ADAMTS20: variants seen among roughly 807,000 people sequenced by gnomAD.
ADAMTS20 encodes ADAM metallopeptidase with thrombospondin type 1 motif 20.
In ADAMTS20, 225 loss-of-function variants were observed where a neutral mutation model predicts 260.1. The ratio of observed to expected loss-of-function variants is 0.87; its 90% CI spans 0.78 to 0.97. ADAMTS20 has a LOEUF of 0.97. Ranked by LOEUF, ADAMTS20 falls within the 50% of genes least tolerant of loss-of-function variation. The probability of loss-of-function intolerance (pLI) is 0.00; values close to 1 mark genes in which losing one functional copy is unlikely to be tolerated. For missense variants in ADAMTS20, 2,400 were observed against 2,337.7 expected (o/e 1.03, Z -0.55); for synonymous variants, 802 against 769.5 (o/e 1.04, Z -0.70).
chr12:43,361,296 T>C (rs1939861839), intron 37 of ADAMTS20, among the ~76,000 whole-genome samples: 2 of 152,238 alleles, frequency 1.3e-5, no homozygotes, highest in African/African-American at 2.4e-5. Context: ...TAACACAGAA[T>C]CTGGTTTATA....
Position 43,354,103 on chromosome 12 carries a change from T to C in ADAMTS20, c.*106A>G. On this transcript the variant is annotated 3_prime_UTR_variant, in exon 39 of 39. Coordinates refer to ENST00000389420, the MANE Select transcript of ADAMTS20 (RefSeq NM_025003.5). ...CCCTGAAAAAAAGGCAGAGACATAT[T>C]GGACATGGAAATCTCGGGAAGGGAG... is the stretch of plus-strand genomic sequence containing the variant. 4 of 810,940 alleles carry C rather than the reference T, an allele frequency of 4.9e-6. No individual in the cohort carries two copies. The highest frequency in any genetic ancestry group is 7.6e-6 in the Non-Finnish European group (4 of 528,688). The allele number at this position is 810,940 out of a possible 1,614,324, so 50.2% of individuals were successfully genotyped here.
chr12:43,465,392 A>C lies in ADAMTS20; in HGVS notation c.1368-660T>G, dbSNP rs1439919913. On this transcript the variant is annotated intron_variant, in intron 9 of 38. Coordinates refer to ENST00000389420, the MANE Select transcript of ADAMTS20 (RefSeq NM_025003.5). ...TAAATTGAGAGTGGTAATATCTTTTAACATGCTATCAGAATACATGATATG... is the reference window on the plus strand; with the variant it reads ...TAAATTGAGAGTGGTAATATCTTTTCACATGCTATCAGAATACATGATATG... Among the ~76,000 whole-genome samples the C allele has an allele frequency of 2.6e-5, 4 of 152,046 alleles. No individual in the cohort carries two copies. The East Asian group carries it at 7.7e-4, about 29-fold the overall frequency.
At position 43,551,965 on chromosome 12, in the gene ADAMTS20, G is replaced by C; in HGVS notation, c.-44C>G. ...CCGATCGGGGAGGCCCACCAGAGCCGCCGGCAGCCAAGCCGGCTTCCCTCG... is the reference window on the plus strand; with the variant it reads ...CCGATCGGGGAGGCCCACCAGAGCCCCCGGCAGCCAAGCCGGCTTCCCTCG... On this transcript the variant is annotated 5_prime_UTR_variant, in exon 1 of 39. Coordinates refer to ENST00000389420, the MANE Select transcript of ADAMTS20 (RefSeq NM_025003.5). This position sits in a 1 kb window ranked among gnomAD's most constrained non-coding sequence, Gnocchi z 4.6. The C allele has an allele frequency of 6.4e-7, 1 of 1,560,534 alleles. No homozygotes were observed. Among genetic ancestry groups the C allele is most frequent in the Non-Finnish European group, 8.8e-7 (1 of 1,134,862 alleles).
chr12:43,372,465 A>G (rs1001468014), intron 36 of ADAMTS20, among the ~76,000 whole-genome samples: 8 of 152,200 alleles, frequency 5.3e-5, no homozygotes, highest in Non-Finnish European at 1.2e-4. Context: ...GATTGATTAG[A>G]GTATAGCATG....
intron 28 of ADAMTS20, among the ~76,000 whole-genome samples, chr12:43,418,666 T>C (rs1460779531): frequency 1.3e-5 from 2 of 152,230 alleles, no homozygotes; most frequent in African/African-American, 4.8e-5. Context: ...GATATGCCAA[T>C]TGTATATTTC....
intron 3 of ADAMTS20, among the ~76,000 whole-genome samples, chr12:43,521,580 T>C (rs1294873283): frequency 6.6e-6 from 1 of 152,212 alleles, no homozygotes; most frequent in Non-Finnish European, 1.5e-5. Flanking sequence ...CTTCGGCCTC[T>C]TATCATTCAA....
At chr12:43,477,386 C>T (rs1165653528) in intron 7 of ADAMTS20, among the ~76,000 whole-genome samples, 11 of 152,112 alleles carry the variant, frequency 7.2e-5, no homozygotes, top group Admixed American at 7.2e-4. Context: ...ATTAAGTGAT[C>T]TCATAAAATA....
chr12:43,474,505 C>T (rs1186828489), intron 7 of ADAMTS20, among the ~76,000 whole-genome samples: 5 of 137,356 alleles, frequency 3.6e-5, no homozygotes, highest in Admixed American at 7.4e-5. Flanking sequence ...CAGCATCATT[C>T]TGATACCAAA....
chr12:43,421,280 T>TAAAAA (rs759627288), intron 28 of ADAMTS20, among the ~76,000 whole-genome samples: 1,246 of 26,840 alleles, frequency 0.046, 25 homozygotes, highest in Middle Eastern at 0.22. Flanking sequence ...AGCTTTCATT[T>TAAAAA]ACAAAAAAAA....
At chr12:43,391,683 GA>G (rs1940600114) in intron 29 of ADAMTS20, among the ~76,000 whole-genome samples, 1 of 151,936 alleles carries the variant, frequency 6.6e-6, no homozygotes, top group Admixed American at 6.6e-5. Context: ...TTATAAGGGG[GA>G]AAAATCAGGT....
At chr12:43,400,264 C>A (rs1343794767) in intron 28 of ADAMTS20, among the ~76,000 whole-genome samples, 1 of 151,910 alleles carries the variant, frequency 6.6e-6, no homozygotes, top group African/African-American at 2.4e-5. Context: ...TCCTCTGAGA[C>A]AGTTGTTGGC....
intron 36 of ADAMTS20, among the ~76,000 whole-genome samples, chr12:43,374,534 A>C (rs1000849500): frequency 2.6e-5 from 4 of 152,176 alleles, no homozygotes; most frequent in Non-Finnish European, 4.4e-5. Context: ...TATGATCTAT[A>C]ATCTAAGGTC....
chr12:43,407,272 C>A (rs1362246666), intron 28 of ADAMTS20, among the ~76,000 whole-genome samples: 2 of 151,568 alleles, frequency 1.3e-5, no homozygotes, highest in African/African-American at 2.4e-5. Context: ...AAGGAAAAAA[C>A]CAAATGATTA....
chr12:43,399,272 C>A, intron 28 of ADAMTS20, 39 bp from the exon 29 acceptor site: 13 of 1,392,298 alleles, frequency 9.3e-6, no homozygotes, highest in South Asian at 1.8e-5. Flanking sequence ...TCATTTTCTT[C>A]TTGATTAATT....
At chr12:43,523,184 G>T (rs1303463577) in intron 3 of ADAMTS20, among the ~76,000 whole-genome samples, 1 of 152,204 alleles carries the variant, frequency 6.6e-6, no homozygotes, top group Non-Finnish European at 1.5e-5. Flanking sequence ...GGAAACCTGG[G>T]AATCCAGGTC....
At chr12:43,440,217 C>A in intron 16 of ADAMTS20, 148 bp from the exon 17 acceptor site, 1 of 618,906 alleles carries the variant, frequency 1.6e-6, no homozygotes, top group Non-Finnish European at 2.7e-6. Context: ...AATATTGGCT[C>A]ACTGTAACCT....
chr12:43,486,019 C>A (rs904000587), intron 7 of ADAMTS20, among the ~76,000 whole-genome samples: 15 of 151,978 alleles, frequency 9.9e-5, no homozygotes, highest in African/African-American at 3.6e-4. Flanking sequence ...AAAATCTACA[C>A]ATTCAATGCA....
rs1943371343 is a variant in ADAMTS20 at position 43,541,165 on chromosome 12, G to T, written c.454-8970C>A. Among the ~76,000 whole-genome samples the T allele has an allele frequency of 2.0e-5, 3 of 152,012 alleles. No individual in the cohort carries two copies. The South Asian group carries it at 6.2e-4, about 31-fold the overall frequency. On this transcript the variant is annotated intron_variant, in intron 2 of 38. Transcript: ENST00000389420. ...CAACTGGAGAACATTCGGAAATAAG[G>T]TACTGCTGAAGTGTTGACTAAAATA...
Position 43,376,553 on chromosome 12 carries a change from C to T in ADAMTS20, c.5096G>A (p.Gly1699Asp), listed in dbSNP as rs773547254. The stretch of plus-strand genomic sequence containing the variant: ...ATTGGCATAACATTTCTTTTGAGCA[C>T]CTGGTTTTAAATGGTTTAAACATAA... ...SDLCLNHLKPGAQKKCYANDC... is the reference protein window; with the variant it reads ...SDLCLNHLKPDAQKKCYANDC... The change falls in exon 33 of 39, where the codon GGT becomes GAT. Residue 1699 changes from glycine to aspartate, a missense_variant. Physicochemically the swap from Gly to Asp is moderately conservative, Grantham distance 94 (BLOSUM62 -1). Coordinates refer to ENST00000389420, the MANE Select transcript of ADAMTS20 (RefSeq NM_025003.5). The T allele has an allele frequency of 6.2e-7, 1 of 1,613,280 alleles. No individual in the cohort carries two copies. The highest frequency in any genetic ancestry group is 2.2e-5 in the East Asian group (1 of 44,864).
Sources: gnomAD v4.1 joint callset for allele counts (sites outside exome capture counted in the v4.1 genomes callset) on GRCh38, gnomAD v4.1.1 for gene constraint, Gnocchi (gnomAD v3.1) non-coding constraint, MANE v1.5 for transcripts, NCBI Gene and HGNC (gene_info 2026-07-23, HGNC 2026-07-21) for gene names.